The following LRRC37A2 variants were observed in gnomAD, a reference collection of about 807,000 sequenced individuals.
LRRC37A2 encodes the protein leucine-rich repeat-containing protein 37A2.
LRRC37A2 carries 9 observed loss-of-function variants against 68.8 expected under a neutral mutation model. The ratio of observed to expected loss-of-function variants is 0.13; its 90% CI spans 0.08 to 0.23. The LOEUF is 0.23. Among genes scored for constraint, LRRC37A2 ranks in the 10% least tolerant of loss-of-function variants. LRRC37A2 has a pLI of 1.00. For synonymous variants in LRRC37A2, 63 were observed against 367.6 expected, an observed-to-expected ratio of 0.17 and a Z score of 9.48; for missense variants, 168 against 950.4, an observed-to-expected ratio of 0.18 and a Z score of 10.82.
At chr17:46,870,227 G>A in the LRRC37A2 span, among the ~76,000 whole-genome samples, 2 of 152,110 alleles carry the variant, frequency 1.3e-5, no homozygotes, top group Admixed American at 6.6e-5. Flanking sequence ...AGCAGAAGTC[G>A]CCACTCACAC....
At chr17:47,008,389 G>A in the LRRC37A2 span, among the ~76,000 whole-genome samples, 4 of 151,930 alleles carry the variant, frequency 2.6e-5, no homozygotes, top group African/African-American at 9.7e-5. Flanking sequence ...GGGATTACAG[G>A]TGTGAGCCAC....
At chr17:46,558,280 G>A (rs1451289606), downstream of LRRC37A2, among the ~76,000 whole-genome samples, 46 of 108,390 alleles carry the variant, frequency 4.2e-4, 2 homozygotes, top group Admixed American at 3.6e-3. Context: ...GGCTGGTCTC[G>A]AACTCCTGAC....
the LRRC37A2 span, among the ~76,000 whole-genome samples, chr17:46,983,514 G>A: frequency 2.6e-5 from 4 of 151,844 alleles, no homozygotes; most frequent in South Asian, 2.1e-4. Context: ...AGCTGGTCTC[G>A]AACTCCTGAC....
chr17:46,545,008 A>C (rs1232900859), intron 8 of LRRC37A2, among the ~76,000 whole-genome samples: 1 of 139,954 alleles, frequency 7.1e-6, no homozygotes, highest in African/African-American at 2.7e-5. Flanking sequence ...TTTCCTCATG[A>C]TGAAATTCAA....
the LRRC37A2 span, among the ~76,000 whole-genome samples, chr17:46,839,537 TG>T: frequency 3.3e-5 from 5 of 152,250 alleles, no homozygotes; most frequent in East Asian, 1.9e-4. Context: ...TATATATATA[TG>T]TTTTTTTATT....
At chr17:46,543,654 AG>A (rs1441008285) in intron 8 of LRRC37A2, among the ~76,000 whole-genome samples, 2 of 150,930 alleles carry the variant, frequency 1.3e-5, no homozygotes, top group Non-Finnish European at 2.9e-5. Flanking sequence ...GGTTTTGTCC[AG>A]AAAATGTATA....
chr17:46,494,643 T>C, the LRRC37A2 span, among the ~76,000 whole-genome samples: 3 of 151,528 alleles, frequency 2.0e-5, no homozygotes, highest in Admixed American at 6.6e-5. Flanking sequence ...CACAAAGATT[T>C]TCCTCTTTGA....
chr17:46,941,135 A>C, the LRRC37A2 span: 1 of 1,019,898 alleles, frequency 9.8e-7, no homozygotes. Flanking sequence ...GAGGAACTTG[A>C]GATCTCTTTA....
At chr17:46,999,890 T>C in the LRRC37A2 span, among the ~76,000 whole-genome samples, 24 of 150,240 alleles carry the variant, frequency 1.6e-4, no homozygotes, top group African/African-American at 5.9e-4. Context: ...TCCCAGCTAC[T>C]CAGGAGGCTG....
chr17:46,852,997 T>C, the LRRC37A2 span, among the ~76,000 whole-genome samples: 29,856 of 152,032 alleles, frequency 0.2, 3,597 homozygotes, highest in East Asian at 0.49. Context: ...GACCACTCAG[T>C]CTCTGGGCCT....
the LRRC37A2 span, chr17:46,818,556 G>A: frequency 1.9e-6 from 3 of 1,609,002 alleles, no homozygotes; most frequent in African/African-American, 1.3e-5. Context: ...TGGTGCCACC[G>A]AGCAGGAGGC....
At chr17:46,874,888 A>C in the LRRC37A2 span, 2 of 742,170 alleles carry the variant, frequency 2.7e-6, no homozygotes, top group Non-Finnish European at 4.6e-6. Context: ...TGGAAGTTCC[A>C]TTTAAATGGC....
the LRRC37A2 span, among the ~76,000 whole-genome samples, chr17:47,029,834 T>A: frequency 6.6e-6 from 1 of 152,020 alleles, no homozygotes; most frequent in Non-Finnish European, 1.5e-5. Context: ...TTTGCTCAGG[T>A]GGGTGGATCA....
chr17:46,887,747 T>C, the LRRC37A2 span, among the ~76,000 whole-genome samples: 3 of 151,170 alleles, frequency 2.0e-5, no homozygotes. Flanking sequence ...CTGGGCGACA[T>C]AGCGAGACTC....
chr17:46,740,278 G>A, the LRRC37A2 span, among the ~76,000 whole-genome samples: 3 of 152,172 alleles, frequency 2.0e-5, no homozygotes, highest in African/African-American at 7.2e-5. Flanking sequence ...AGCAATGTGG[G>A]CTCTGTAGGG....
chr17:46,906,908 C>T, the LRRC37A2 span, among the ~76,000 whole-genome samples: 2 of 152,168 alleles, frequency 1.3e-5, no homozygotes, highest in Admixed American at 1.3e-4. Context: ...TCACAGAGTC[C>T]TACCTGGAGC....
chr17:46,749,225 A>G, the LRRC37A2 span, among the ~76,000 whole-genome samples: 1 of 152,338 alleles, frequency 6.6e-6, no homozygotes, highest in Middle Eastern at 3.4e-3. Flanking sequence ...TAGTTTTTAA[A>G]CTTTTTTTAA....
the LRRC37A2 span, among the ~76,000 whole-genome samples, chr17:46,899,889 G>T: frequency 6.6e-6 from 1 of 151,912 alleles, no homozygotes; most frequent in Non-Finnish European, 1.5e-5. Context: ...GAGATATATA[G>T]TGGGGGTAGT....
At chr17:46,896,365 AAGAGAGAGAGAGAAGAAAGAAAGAAAG>A in the LRRC37A2 span, among the ~76,000 whole-genome samples, 3 of 149,378 alleles carry the variant, frequency 2.0e-5, no homozygotes, top group South Asian at 2.1e-4. Flanking sequence ...AAAAGAAAGA[AAGAGAGAGAGAGAAGAAAGAAAGAAAG>A]AGAAAGAAAG....
Sources: allele counts gnomAD v4.1 joint callset (sites outside exome capture counted in the v4.1 genomes callset), GRCh38; gene constraint gnomAD v4.1.1; transcripts MANE v1.5; gene names NCBI Gene and HGNC (gene_info 2026-07-23, HGNC 2026-07-21).